The following MIA2 variants were observed in gnomAD, a reference collection of about 807,000 sequenced individuals.
MIA2 encodes the protein MIA SH3 domain ER export factor 2.
In MIA2, 127 loss-of-function variants were observed where a neutral mutation model predicts 167.8. The observed-to-expected ratio is 0.76, with a 90% confidence interval of 0.66 to 0.88. MIA2 has a LOEUF of 0.88. Among genes scored for constraint, MIA2 ranks in the 40% least tolerant of loss-of-function variants. MIA2 has a pLI of 0.00. For synonymous variants in MIA2, 552 were observed against 541.9 expected (o/e 1.02, Z -0.26); for missense variants, 1,690 against 1,624.7 (o/e 1.04, Z -0.69).
chr14:39,334,062 G>A (rs191002528), intron 25 of MIA2, among the ~76,000 whole-genome samples: 54 of 152,316 alleles, frequency 3.5e-4, no homozygotes, highest in African/African-American at 1.2e-3. Context: ...TGACTCCTGA[G>A]GCTCTAGCAT....
In MIA2 at chr14:39,294,083, T is replaced by TA; in HGVS notation, c.2391+13dup. On this transcript the variant is annotated intron_variant, in intron 12 of 28. Coordinates refer to ENST00000640607, the MANE Select transcript of MIA2 (RefSeq NM_001329214.4). ...CACAAGTAGCTGAAGTAAGTTGAAT[T>TA]AGTCTAGTAGGTCTGTTGCTTTTGG... 1 of 1,568,136 alleles carries TA rather than the reference T, an allele frequency of 6.4e-7. No individual in the cohort carries two copies. The highest frequency in any genetic ancestry group is 8.7e-7 in the Non-Finnish European group (1 of 1,142,924).
intron 23 of MIA2, among the ~76,000 whole-genome samples, chr14:39,357,841 G>T (rs908735776): frequency 2.0e-5 from 3 of 150,996 alleles, no homozygotes; most frequent in Admixed American, 6.6e-5. Flanking sequence ...TGAAATTCTG[G>T]GTTGAAAATT....
At chr14:39,277,174 G>A (rs2058120329) in intron 7 of MIA2, 109 bp downstream of exon 7, 1 of 1,366,326 alleles carries the variant, frequency 7.3e-7, no homozygotes, top group Non-Finnish European at 9.8e-7. Context: ...AAACTACATA[G>A]GGATTCAGAG....
At chr14:39,360,030 C>T (rs866554769) in intron 23 of MIA2, among the ~76,000 whole-genome samples, 2 of 134,904 alleles carry the variant, frequency 1.5e-5, no homozygotes, top group African/African-American at 2.7e-5. Context: ...AATAGCCATT[C>T]TGGCCAGACG....
chr14:39,237,597 G>A (rs148642929), intron 2 of MIA2, among the ~76,000 whole-genome samples: 1 of 152,268 alleles, frequency 6.6e-6, no homozygotes, highest in Admixed American at 6.5e-5. Flanking sequence ...GGGATGGAGG[G>A]CTAAGAGAAT....
rs150019875 is a variant in MIA2 at position 39,341,059 on chromosome 14, T to C, written c.3656-4845T>C. Among the ~76,000 whole-genome samples, 1,130 of 152,218 alleles carry C rather than the reference T, an allele frequency of 7.4e-3. 13 individuals are homozygous for C. The highest frequency in any genetic ancestry group is 0.026 in the African/African-American group (1,081 of 41,524). ...GCTTACGCTTGTAATTCCAGCACTT[T>C]GGGAAGCTGAGGCGGGCAGATCACC... On this transcript the variant is annotated intron_variant, in intron 25 of 28. Transcript: ENST00000640607.
intron 23 of MIA2, chr14:39,385,501 G>A (rs2075257834): frequency 3.4e-6 from 3 of 876,196 alleles, no homozygotes; most frequent in Non-Finnish European, 5.9e-6. Context: ...CTGTGTCACA[G>A]CGTAGTCCAC....
At chr14:39,363,861 T>C (rs2074754887) in intron 23 of MIA2, among the ~76,000 whole-genome samples, 1 of 152,232 alleles carries the variant, frequency 6.6e-6, no homozygotes, top group Non-Finnish European at 1.5e-5. Context: ...ACATGGAGTA[T>C]CTTTTTTCAA....
chr14:39,267,875 C>A (rs2056262586), intron 6 of MIA2, among the ~76,000 whole-genome samples: 1 of 152,136 alleles, frequency 6.6e-6, no homozygotes, highest in Non-Finnish European at 1.5e-5. Context: ...CTGTGAGAAA[C>A]TTGAGGACTG....
chr14:39,371,227 CTTTA>C (rs538863011), intron 23 of MIA2, among the ~76,000 whole-genome samples: 35 of 151,902 alleles, frequency 2.3e-4, no homozygotes, highest in South Asian at 4.2e-4. Flanking sequence ...TATTAAATAT[CTTTA>C]TTTATTCACT....
intron 13 of MIA2, among the ~76,000 whole-genome samples, chr14:39,298,443 A>ATATATATATATATATATATACATATAT (rs1372100362): frequency 2.0e-5 from 1 of 50,056 alleles, no homozygotes. Flanking sequence ...ATATATATAT[A>ATATATATATATATATATATACATATAT]AAGATTAGTT....
intron 9 of MIA2, among the ~76,000 whole-genome samples, chr14:39,288,498 G>T (rs1350571341): frequency 2.9e-5 from 2 of 69,736 alleles, no homozygotes; most frequent in Non-Finnish European, 2.6e-5. Context: ...TTTTTGAGAC[G>T]GAGTCTGGCG....
chr14:39,379,877 C>G (rs1295675971), intron 23 of MIA2, among the ~76,000 whole-genome samples: 2 of 151,780 alleles, frequency 1.3e-5, no homozygotes, highest in Non-Finnish European at 2.9e-5. Context: ...CTTAAATTAC[C>G]TTAAATTAAA....
chr14:39,346,511 AC>A (rs1428312027), intron 26 of MIA2, among the ~76,000 whole-genome samples: 9 of 152,076 alleles, frequency 5.9e-5, no homozygotes, highest in Non-Finnish European at 1.3e-4. Context: ...TACTTAAACT[AC>A]CTCATAGCAA....
In MIA2 at chr14:39,345,898, T is replaced by C; in HGVS notation, c.3656-6T>C. On this transcript the variant is annotated splice_region_variant and splice_polypyrimidine_tract_variant and intron_variant, in intron 25 of 28. Coordinates refer to ENST00000640607, the MANE Select transcript of MIA2 (RefSeq NM_001329214.4). The stretch of plus-strand genomic sequence containing the variant: ...AATGAAGACATTTTAAAAACTTATT[T>C]TCTAGGACAATCATATCCTGATTCA... 1 of 1,601,380 alleles carries C rather than the reference T, an allele frequency of 6.2e-7. No individual in the cohort carries two copies. The highest frequency in any genetic ancestry group is 2.2e-5 in the East Asian group (1 of 44,762).
rs113225591 is a variant in MIA2 at position 39,358,507 on chromosome 14, C to T, written c.2248+9530C>T. 9.2e-5 allele frequency among the ~76,000 whole-genome samples: 14 copies of T among 152,252 alleles called. 1 individual carries two copies. The highest frequency in any genetic ancestry group is 2.6e-4 in the African/African-American group (11 of 41,534). ...TCTTTGCCATGGGTTCGAACTTCCTCCTTTAGCTTGGAGAAGTTTGATTGT... is the reference window on the plus strand; with the variant it reads ...TCTTTGCCATGGGTTCGAACTTCCTTCTTTAGCTTGGAGAAGTTTGATTGT... On this transcript the variant is annotated intron_variant, in intron 23 of 23. Transcript: ENST00000341502.
intron 6 of MIA2, chr14:39,265,268 C>A (rs2055413620): frequency 3.9e-6 from 3 of 761,064 alleles, no homozygotes; most frequent in Non-Finnish European, 6.5e-6. Flanking sequence ...AATGTCAAAA[C>A]GGGATCACAG....
intron 28 of MIA2, among the ~76,000 whole-genome samples, chr14:39,349,706 A>G (rs983635845): frequency 6.6e-6 from 1 of 152,224 alleles, no homozygotes. Flanking sequence ...TTTTAGTATA[A>G]TATCAAATTA....
intron 2 of MIA2, 112 bp from the exon 3 acceptor site, chr14:39,240,449 T>C: frequency 1.6e-6 from 1 of 621,566 alleles, no homozygotes; most frequent in Non-Finnish European, 2.8e-6. Flanking sequence ...AGTCGAGTAA[T>C]GTTTGCGATT....
Sources: allele counts gnomAD v4.1 joint callset (sites outside exome capture counted in the v4.1 genomes callset), GRCh38; gene constraint gnomAD v4.1.1; transcripts MANE v1.5; gene names NCBI Gene and HGNC (gene_info 2026-07-23, HGNC 2026-07-21).